Variants in PRKDC observed in about 807,000 individuals in gnomAD.
PRKDC encodes the protein DNA-dependent protein kinase catalytic subunit.
PRKDC carries 82 observed loss-of-function variants against 486.9 expected under a neutral mutation model. That is an observed-to-expected ratio of 0.17 (90% CI 0.14 to 0.20). The LOEUF is 0.20. PRKDC is among the 10% of genes least tolerant of loss of function. PRKDC has a pLI of 1.00. For missense variants in PRKDC, 4,504 were observed against 5,038.2 expected (o/e 0.89, Z 3.21); for synonymous variants, 1,895 against 1,837.0 (o/e 1.03, Z -0.81).
At chr8:47,888,383 T>C (rs1027492435) in intron 34 of PRKDC, 135 bp downstream of exon 34, 3 of 677,844 alleles carry the variant, frequency 4.4e-6, no homozygotes, top group Non-Finnish European at 6.7e-6. Flanking sequence ...TATCTACATG[T>C]CTTGAGCAAG....
At chr8:47,938,850 G>T (rs1230374703) in intron 11 of PRKDC, among the ~76,000 whole-genome samples, 1 of 152,186 alleles carries the variant, frequency 6.6e-6, no homozygotes, top group Non-Finnish European at 1.5e-5. Context: ...GATTACAGGT[G>T]TGGGCCGCCA....
intron 21 of PRKDC, among the ~76,000 whole-genome samples, chr8:47,923,301 G>C (rs1392429925): frequency 1.3e-5 from 2 of 152,046 alleles, no homozygotes; most frequent in Non-Finnish European, 2.9e-5. Context: ...CTGACCTCAG[G>C]TGATCCACCC....
intron 67 of PRKDC, among the ~76,000 whole-genome samples, chr8:47,818,157 A>G (rs956689116): frequency 3.9e-5 from 6 of 152,208 alleles, no homozygotes; most frequent in South Asian, 4.1e-4. Context: ...CAGGAACACA[A>G]GATTAGATGA....
intron 84 of PRKDC, 123 bp from the exon 85 acceptor site, chr8:47,777,106 T>C: frequency 8.1e-7 from 1 of 1,233,610 alleles, no homozygotes; most frequent in South Asian, 1.5e-5. Flanking sequence ...GCAGCCTTGC[T>C]TTCTACAGCT....
intron 55 of PRKDC, among the ~76,000 whole-genome samples, chr8:47,839,718 AT>A (rs909392770): frequency 3.6e-4 from 55 of 152,350 alleles, no homozygotes; most frequent in African/African-American, 1.3e-3. Flanking sequence ...GTAAAAAAAA[AT>A]GTGTTATTAT....
In PRKDC at chr8:47,849,372, C is replaced by T; in HGVS notation, c.7130+7G>A. On this transcript the variant is annotated splice_region_variant and intron_variant, in intron 53 of 85. Coordinates refer to ENST00000314191, the MANE Select transcript of PRKDC (RefSeq NM_006904.7). Reference sequence around the variant, plus strand: ...CTGCCCCGAAAGGATCCCTGGACAGCCCATACCTGTCTGCAAGAGGAGGGA... The same window carrying T: ...CTGCCCCGAAAGGATCCCTGGACAGTCCATACCTGTCTGCAAGAGGAGGGA... The T allele has an allele frequency of 6.2e-7, 1 of 1,613,930 alleles. No homozygotes were observed. The highest frequency in any genetic ancestry group is 8.5e-7 in the Non-Finnish European group (1 of 1,179,872).
chr8:47,913,037 A>G (rs2089930992), intron 24 of PRKDC, among the ~76,000 whole-genome samples: 2 of 152,242 alleles, frequency 1.3e-5, no homozygotes, highest in African/African-American at 2.4e-5. Flanking sequence ...TTCCAACAGC[A>G]TGTGCTCACT....
intron 52 of PRKDC, 143 bp downstream of exon 52, chr8:47,852,530 G>T: frequency 1.9e-6 from 1 of 523,698 alleles, no homozygotes; most frequent in Non-Finnish European, 3.3e-6. Context: ...CTATATTATA[G>T]TAAGAAACAG....
chr8:47,871,531 TA>T (rs2088952914), intron 40 of PRKDC, among the ~76,000 whole-genome samples: 1 of 152,200 alleles, frequency 6.6e-6, no homozygotes, highest in Admixed American at 6.5e-5. Context: ...AAACATAAGC[TA>T]AAGGATTTTA....
chr8:47,826,695 C>A lies in PRKDC; in HGVS notation c.8744G>T (p.Arg2915Leu). The stretch of plus-strand genomic sequence containing the variant: ...CCATCTGAGGACATCAGGAGGGAGG[C>A]GGGCCTTCCCACGGACTCGCTTGGC... The part of the protein sequence containing the change: ...LPAKRVRGKA[R>L]LPPDVLRWVE... The change falls in exon 63 of 86, where the codon CGC becomes CTC. Residue 2915 changes from arginine to leucine, a missense_variant. Physicochemically the swap from Arg to Leu is moderately radical, Grantham distance 102. Coordinates refer to ENST00000314191, the MANE Select transcript of PRKDC (RefSeq NM_006904.7). 6.2e-7 allele frequency: 1 copy of A among 1,613,080 alleles called. No homozygotes were observed. Among genetic ancestry groups the A allele is most frequent in the East Asian group, 2.2e-5 (1 of 44,884 alleles).
rs2087530896 is a variant in PRKDC at position 47,819,414 on chromosome 8, T to C, written c.9433A>G (p.Ile3145Val). Residue 3145 changes from isoleucine (I) to valine (V), a missense_variant, in exon 67 of 86, where the codon ATA becomes GTA. Transcript: ENST00000314191. ...LTEIQEFISF[I>V]SKQGNLSSQV... ...TGAAAAAAATTACCTTGTTTGCTTA[T>C]AAAGCTGATGAACTCCTGAATTTCT... 2 of 1,535,792 alleles carry C rather than the reference T, an allele frequency of 1.3e-6. No homozygotes were observed. The highest frequency in any genetic ancestry group is 1.3e-5 in the South Asian group (1 of 77,628).
intron 76 of PRKDC, among the ~76,000 whole-genome samples, chr8:47,786,106 A>G (rs1310345821): frequency 6.7e-6 from 1 of 149,754 alleles, no homozygotes; most frequent in Non-Finnish European, 1.5e-5. Context: ...ACTCCACCTC[A>G]AATAAATAAA....
Position 47,854,226 on chromosome 8 carries a change from G to A in PRKDC, c.6762-12C>T. Reference sequence around the variant, plus strand: ...TTTCAAATATTAACCTGAAACATAAGCACAAAGGAGAAAATTGAGACTGTT... The same window carrying A: ...TTTCAAATATTAACCTGAAACATAAACACAAAGGAGAAAATTGAGACTGTT... On this transcript the variant is annotated splice_polypyrimidine_tract_variant and intron_variant, in intron 50 of 85. Transcript: ENST00000314191. The A allele has an allele frequency of 1.9e-6, 3 of 1,610,806 alleles. No homozygotes were observed. Among genetic ancestry groups the A allele is most frequent in the East Asian group, 2.2e-5 (1 of 44,870 alleles).
chr8:47,908,645 T>C (rs1231617025), intron 25 of PRKDC, among the ~76,000 whole-genome samples: 3 of 152,212 alleles, frequency 2.0e-5, no homozygotes, highest in Non-Finnish European at 4.4e-5. Context: ...GATGTGTTAT[T>C]ATAAAGACAT....
At chr8:47,825,504 C>CAAAAAAAAAAAAAAA (rs397891351) in intron 63 of PRKDC, among the ~76,000 whole-genome samples, 1 of 10,256 alleles carries the variant, frequency 9.8e-5, no homozygotes, top group African/African-American at 3.6e-4. Context: ...AAGACTGTCT[C>CAAAAAAAAAAAAAAA]AAAAAAAAAA....
At chr8:47,781,132 A>T (rs2086692009) in intron 80 of PRKDC, among the ~76,000 whole-genome samples, 1 of 152,212 alleles carries the variant, frequency 6.6e-6, no homozygotes, top group Non-Finnish European at 1.5e-5. Flanking sequence ...CCACAAATGC[A>T]GGCAGGTACC....
At chr8:47,817,734 T>G (rs533494010) in intron 67 of PRKDC, among the ~76,000 whole-genome samples, 173 bp from the exon 68 acceptor site, 1 of 152,342 alleles carries the variant, frequency 6.6e-6, no homozygotes, top group African/African-American at 2.4e-5. Context: ...ATTCTGACAT[T>G]TAAACTCAAT....
At chr8:47,824,767 A>G (rs1372238896) in intron 63 of PRKDC, among the ~76,000 whole-genome samples, 3 of 152,188 alleles carry the variant, frequency 2.0e-5, no homozygotes, top group Non-Finnish European at 4.4e-5. Context: ...TTCCCAGTCC[A>G]TGATATTCTC....
At chr8:47,948,924 C>T (rs948016300) in intron 7 of PRKDC, among the ~76,000 whole-genome samples, 1 of 152,228 alleles carries the variant, frequency 6.6e-6, no homozygotes, top group African/African-American at 2.4e-5. Context: ...GCCATAACAA[C>T]TTACCACAAA....
Sources: gnomAD v4.1 joint callset for allele counts (sites outside exome capture counted in the v4.1 genomes callset) on GRCh38, gnomAD v4.1.1 for gene constraint, MANE v1.5 for transcripts, NCBI Gene and HGNC (gene_info 2026-07-23, HGNC 2026-07-21) for gene names.